RBM19: variants seen among roughly 807,000 people sequenced by gnomAD.
The protein encoded by RBM19 is RNA binding motif protein 19.
In RBM19, 94 loss-of-function variants were observed where a neutral mutation model predicts 116.8. The ratio of observed to expected loss-of-function variants is 0.80; its 90% CI spans 0.68 to 0.95. RBM19 has a LOEUF of 0.95. RBM19 is among the 40% of genes least tolerant of loss of function. The probability of loss-of-function intolerance (pLI) is 0.00; values close to 1 mark genes in which losing one functional copy is unlikely to be tolerated. For synonymous variants in RBM19, 475 were observed against 494.1 expected (o/e 0.96, Z 0.51); for missense variants, 1,161 against 1,220.7 (o/e 0.95, Z 0.73).
intron 5 of RBM19, 93 bp downstream of exon 5, chr12:113,959,119 C>T: frequency 1.4e-6 from 2 of 1,419,004 alleles, no homozygotes; most frequent in Non-Finnish European, 1.9e-6. Flanking sequence ...TCACCTGACT[C>T]CTAGAGTCTG....
At chr12:113,838,015 T>C (rs1310143380) in intron 23 of RBM19, among the ~76,000 whole-genome samples, 1 of 152,156 alleles carries the variant, frequency 6.6e-6, no homozygotes, top group East Asian at 1.9e-4. Flanking sequence ...TATTAAACAC[T>C]GAAATAAATG....
intron 21 of RBM19, among the ~76,000 whole-genome samples, chr12:113,860,451 T>A (rs899510897): frequency 1.3e-5 from 2 of 152,224 alleles, no homozygotes; most frequent in African/African-American, 2.4e-5. Flanking sequence ...CTCGTTCAGA[T>A]GAATGGTTCT....
At chr12:113,858,738 G>C (rs930874579) in intron 22 of RBM19, 53 bp downstream of exon 22, 1 of 1,538,528 alleles carries the variant, frequency 6.5e-7, no homozygotes, top group African/African-American at 1.4e-5. Flanking sequence ...CTCCTACAAT[G>C]GGTACTGGAA....
In RBM19 at chr12:113,858,826, C is replaced by T. The variant is rs201331823; in HGVS notation, c.2629G>A (p.Gly877Ser). 85 of 1,614,108 alleles carry T rather than the reference C, an allele frequency of 5.3e-5. No individual in the cohort carries two copies. Among genetic ancestry groups the T allele is most frequent in the Admixed American group, 4.2e-4 (25 of 60,020 alleles). ...MTGTGTHRGF[G>S]FVDFLTKQDA... ...TGCTTGGTGAGGAAGTCCACAAAGCCGAAGCCTCTGTGTGTGCCTGTCCCA... is the reference window on the plus strand; with the variant it reads ...TGCTTGGTGAGGAAGTCCACAAAGCTGAAGCCTCTGTGTGTGCCTGTCCCA... Residue 877 changes from glycine (G) to serine (S), a missense_variant, in exon 22 of 24, where the codon GGC (glycine) becomes AGC (serine). Gly to Ser is a moderately conservative substitution (Grantham distance 56, BLOSUM62 0). Transcript: ENST00000261741.
At chr12:113,826,546 C>T (rs558732009) in intron 23 of RBM19, among the ~76,000 whole-genome samples, 4 of 152,346 alleles carry the variant, frequency 2.6e-5, no homozygotes, top group Admixed American at 1.3e-4. Context: ...GACGGAGACA[C>T]CTGCAGCACC....
intron 4 of RBM19, among the ~76,000 whole-genome samples, 200 bp downstream of exon 4, chr12:113,959,665 G>T (rs1872306857): frequency 6.8e-6 from 1 of 147,132 alleles, no homozygotes; most frequent in African/African-American, 2.5e-5. Flanking sequence ...TGCTTGCCAG[G>T]GCCAGCCTCC....
In RBM19 at chr12:113,836,825, T is replaced by TACACAC. The variant is rs113470925; in HGVS notation, c.2785+7837_2785+7842dup. Among the ~76,000 whole-genome samples, 160 of 105,796 alleles carry TACACAC rather than the reference T, an allele frequency of 1.5e-3. 4 individuals are homozygous for TACACAC. The highest frequency in any genetic ancestry group is 4.9e-3 in the African/African-American group (127 of 25,688). 69.4% of individuals were successfully genotyped at this position (105,796 alleles called of 152,430 possible). On this transcript the variant is annotated intron_variant, in intron 23 of 23. Transcript: ENST00000261741. ...CCTGTCCTCCTACTTACTACATACATACACACACACACACACACGTGTCCC... is the reference window on the plus strand; with the variant it reads ...CCTGTCCTCCTACTTACTACATACATACACACACACACACACACACACACGTGTCCC...
intron 22 of RBM19, among the ~76,000 whole-genome samples, chr12:113,847,397 A>AT (rs1877089819): frequency 1.3e-5 from 2 of 151,958 alleles, no homozygotes; most frequent in South Asian, 4.2e-4. Context: ...GAGCCTCTGC[A>AT]TTTTTTTCCA....
intron 17 of RBM19, among the ~76,000 whole-genome samples, chr12:113,925,263 A>G (rs1430059225): frequency 6.6e-6 from 1 of 152,182 alleles, no homozygotes; most frequent in Non-Finnish European, 1.5e-5. Context: ...AGCCCAGGGA[A>G]AGGCAGATAC....
intron 23 of RBM19, among the ~76,000 whole-genome samples, chr12:113,830,080 C>T (rs1301881559): frequency 6.6e-6 from 1 of 152,184 alleles, no homozygotes; most frequent in Admixed American, 6.5e-5. Flanking sequence ...CCAAGCAGGA[C>T]CTTGAGCTCA....
chr12:113,888,621 T>G (rs1880720222), intron 21 of RBM19, among the ~76,000 whole-genome samples: 1 of 152,134 alleles, frequency 6.6e-6, no homozygotes. Flanking sequence ...ATTCAACAGA[T>G]GAGGAAACTG....
intron 16 of RBM19, chr12:113,927,506 C>A: frequency 3.0e-6 from 1 of 336,798 alleles, no homozygotes; most frequent in Non-Finnish European, 5.4e-6. Flanking sequence ...CCAGCTCACA[C>A]TAATTTGAAC....
chr12:113,863,170 G>A (rs1308098499), intron 21 of RBM19, among the ~76,000 whole-genome samples: 2 of 151,722 alleles, frequency 1.3e-5, no homozygotes, highest in Admixed American at 6.6e-5. Context: ...GATGGAAATC[G>A]TGTTTGCACA....
chr12:113,965,730 C>T (rs747818822), intron 1 of RBM19, among the ~76,000 whole-genome samples: 14 of 152,190 alleles, frequency 9.2e-5, no homozygotes, highest in Admixed American at 4.6e-4. Context: ...CCTTTACCCA[C>T]TCCGTATTCC....
At chr12:113,899,164 G>A (rs984450936) in intron 21 of RBM19, among the ~76,000 whole-genome samples, 2 of 152,202 alleles carry the variant, frequency 1.3e-5, no homozygotes, top group East Asian at 1.9e-4. Flanking sequence ...AGACCATCAC[G>A]TCGTTGGGAA....
chr12:113,955,108 C>G, intron 7 of RBM19, 23 bp downstream of exon 7: 1 of 1,612,528 alleles, frequency 6.2e-7, no homozygotes, highest in East Asian at 2.2e-5. Flanking sequence ...GGCTGCCGAC[C>G]CTTGTCCTCA....
intron 23 of RBM19, among the ~76,000 whole-genome samples, chr12:113,839,403 C>T (rs547103464): frequency 4.6e-5 from 7 of 152,314 alleles, no homozygotes; most frequent in African/African-American, 1.4e-4. Flanking sequence ...ATCTCTAGCA[C>T]GCCTGCTCTG....
chr12:113,849,104 A>C (rs1877237655), intron 22 of RBM19, among the ~76,000 whole-genome samples: 1 of 152,216 alleles, frequency 6.6e-6, no homozygotes, highest in Non-Finnish European at 1.5e-5. Context: ...CAGACGGCCC[A>C]GGGAGGGTTC....
intron 20 of RBM19, among the ~76,000 whole-genome samples, chr12:113,916,266 G>C (rs1882764717): frequency 1.3e-5 from 2 of 152,114 alleles, no homozygotes; most frequent in South Asian, 4.1e-4. Flanking sequence ...AATTAGCCAG[G>C]TGTGGTGGCA....
Sources: allele counts gnomAD v4.1 joint callset (sites outside exome capture counted in the v4.1 genomes callset), GRCh38; gene constraint gnomAD v4.1.1; transcripts MANE v1.5; gene names NCBI Gene and HGNC (gene_info 2026-07-23, HGNC 2026-07-21).